KCNH7: variants seen among roughly 807,000 people sequenced by gnomAD.
KCNH7 encodes voltage-gated inwardly rectifying potassium channel KCNH7.
A neutral mutation model predicts 120.8 loss-of-function variants in KCNH7; 49 were observed. The ratio of observed to expected loss-of-function variants is 0.41; its 90% CI spans 0.32 to 0.51. The LOEUF (loss-of-function observed/expected upper bound fraction) is 0.51. Among genes scored for constraint, KCNH7 ranks in the 20% least tolerant of loss-of-function variants. KCNH7 has a pLI of 0.38. For synonymous variants in KCNH7, 547 were observed against 516.1 expected (o/e 1.06, Z -0.81); for missense variants, 1,097 against 1,446.6 (o/e 0.76, Z 3.92).
At chr2:162,812,017 C>T (rs1026601264) in intron 2 of KCNH7, among the ~76,000 whole-genome samples, 1 of 152,088 alleles carries the variant, frequency 6.6e-6, no homozygotes, top group East Asian at 1.9e-4. Flanking sequence ...GTAAAGATTG[C>T]TTTAGAAAAA....
intron 2 of KCNH7, among the ~76,000 whole-genome samples, chr2:162,569,470 CA>C (rs1293970106): frequency 1.4e-5 from 2 of 145,712 alleles, no homozygotes; most frequent in Non-Finnish European, 3.0e-5. Flanking sequence ...TTGATCCTTT[CA>C]AAAAACCAGC....
At chr2:162,385,003 C>G in intron 12 of KCNH7, 64 bp from the exon 13 acceptor site, 1 of 1,263,410 alleles carries the variant, frequency 7.9e-7, no homozygotes. Flanking sequence ...AGACGGTATG[C>G]ATATTACACT....
chr2:162,822,080 G>A (rs889451740), intron 2 of KCNH7, among the ~76,000 whole-genome samples: 21 of 71,130 alleles, frequency 3.0e-4, no homozygotes, highest in Non-Finnish European at 6.9e-4. Flanking sequence ...ATTTGATTGA[G>A]GCCATAATCT....
Position 162,836,092 on chromosome 2 carries a change from G to T in KCNH7, c.307+445C>A, listed in dbSNP as rs567162830. On this transcript the variant is annotated intron_variant, in intron 2 of 15. Transcript: ENST00000332142. ...GTTGCCTATCAACTAAAGCTAAAGA[G>T]CCAAGAGACATAACTGTAATAGTTT... Among the ~76,000 whole-genome samples, 11 of 152,264 alleles carry T rather than the reference G, an allele frequency of 7.2e-5. No homozygotes were observed. The South Asian group carries it at 2.3e-3, about 32-fold the overall frequency.
At chr2:162,459,007 A>AAT (rs1689063748) in intron 6 of KCNH7, among the ~76,000 whole-genome samples, 32 of 134,834 alleles carry the variant, frequency 2.4e-4, no homozygotes, top group African/African-American at 7.7e-4. Flanking sequence ...TTCTGTTTCA[A>AAT]AATAATAATA....
chr2:162,420,803 G>A (rs1363606480), intron 9 of KCNH7, among the ~76,000 whole-genome samples: 1 of 152,120 alleles, frequency 6.6e-6, no homozygotes. Context: ...GAATGCTGAT[G>A]CGAAATACAA....
At chr2:162,701,570 G>A (rs1051157911) in intron 2 of KCNH7, among the ~76,000 whole-genome samples, 2 of 152,118 alleles carry the variant, frequency 1.3e-5, no homozygotes, top group Admixed American at 6.6e-5. Context: ...GGCTATTTGG[G>A]GAGCAGTGGG....
intron 2 of KCNH7, among the ~76,000 whole-genome samples, chr2:162,666,689 A>G (rs1685144044): frequency 6.6e-6 from 1 of 152,058 alleles, no homozygotes; most frequent in Non-Finnish European, 1.5e-5. Flanking sequence ...AAAGCACCTT[A>G]TCAAATTTTA....
intron 2 of KCNH7, among the ~76,000 whole-genome samples, chr2:162,770,768 A>G (rs1574366723): frequency 6.6e-6 from 1 of 152,032 alleles, no homozygotes; most frequent in South Asian, 2.1e-4. Context: ...TTCTAAATAT[A>G]CTCTTGAATT....
intron 2 of KCNH7, among the ~76,000 whole-genome samples, chr2:162,551,526 A>T (rs1692667429): frequency 6.6e-6 from 1 of 152,184 alleles, no homozygotes; most frequent in Non-Finnish European, 1.5e-5. Flanking sequence ...AAAATTAGAA[A>T]TTACTTGAAG....
At chr2:162,537,236 G>T (rs1692140160) in intron 2 of KCNH7, among the ~76,000 whole-genome samples, 156 bp from the exon 3 acceptor site, 1 of 151,684 alleles carries the variant, frequency 6.6e-6, no homozygotes. Context: ...ATATTTTATT[G>T]CATACCATAT....
At chr2:162,652,250 T>G (rs926034220) in intron 2 of KCNH7, among the ~76,000 whole-genome samples, 9 of 152,234 alleles carry the variant, frequency 5.9e-5, no homozygotes, top group Non-Finnish European at 8.8e-5. Context: ...GGGAAAAATC[T>G]AAACTTTTGA....
chr2:162,380,345 T>A (rs1169683917), intron 13 of KCNH7, among the ~76,000 whole-genome samples: 1 of 152,092 alleles, frequency 6.6e-6, no homozygotes, highest in Non-Finnish European at 1.5e-5. Context: ...GAACAATGAG[T>A]CTGTGCTTTT....
At chr2:162,684,362 A>G (rs1574263038) in intron 2 of KCNH7, among the ~76,000 whole-genome samples, 2 of 152,300 alleles carry the variant, frequency 1.3e-5, no homozygotes, top group East Asian at 1.9e-4. Context: ...ATCTAATTAA[A>G]CTAAAGACCT....
chr2:162,576,958 C>T (rs1693691558), intron 2 of KCNH7, among the ~76,000 whole-genome samples: 1 of 151,748 alleles, frequency 6.6e-6, no homozygotes, highest in Non-Finnish European at 1.5e-5. Context: ...GTTGCCCGGG[C>T]TGGAGTACAG....
chr2:162,652,635 G>T (rs1178921527), intron 2 of KCNH7, among the ~76,000 whole-genome samples: 2 of 152,130 alleles, frequency 1.3e-5, no homozygotes, highest in East Asian at 3.9e-4. Flanking sequence ...AGGCAGTAAT[G>T]GTCGCTCATC....
chr2:162,746,620 T>C (rs1434118594), intron 2 of KCNH7, among the ~76,000 whole-genome samples: 1 of 152,064 alleles, frequency 6.6e-6, no homozygotes, highest in African/African-American at 2.4e-5. Context: ...ATCACTAAGG[T>C]TTTGAAAGTT....
At chr2:162,674,844 G>T (rs1320231679) in intron 2 of KCNH7, among the ~76,000 whole-genome samples, 4 of 151,592 alleles carry the variant, frequency 2.6e-5, no homozygotes, top group African/African-American at 9.7e-5. Context: ...AAGGCAAACT[G>T]TAAAAGTTTT....
chr2:162,511,536 TG>T (rs1691074299), intron 5 of KCNH7, among the ~76,000 whole-genome samples: 1 of 149,732 alleles, frequency 6.7e-6, no homozygotes, highest in Non-Finnish European at 1.5e-5. Flanking sequence ...ATCCCACTAT[TG>T]GGGTCAACCT....
Sources: gnomAD v4.1 joint callset for allele counts (sites outside exome capture counted in the v4.1 genomes callset) on GRCh38, gnomAD v4.1.1 for gene constraint, MANE v1.5 for transcripts, NCBI Gene and HGNC (gene_info 2026-07-23, HGNC 2026-07-21) for gene names.